The following DCDC2 variants were observed in gnomAD, a reference collection of about 807,000 sequenced individuals.
The protein encoded by DCDC2 is doublecortin domain-containing protein 2.
Under a neutral mutation model 50.2 loss-of-function variants are expected in DCDC2, and 40 were observed. The ratio of observed to expected loss-of-function variants is 0.80; its 90% CI spans 0.62 to 1.04. The LOEUF (loss-of-function observed/expected upper bound fraction) is 1.04, where lower values mean the gene tolerates loss of function less well. Among genes scored for constraint, DCDC2 ranks in the 50% least tolerant of loss-of-function variants. DCDC2 has a pLI of 0.00. For missense variants in DCDC2, 570 were observed against 581.9 expected (o/e 0.98, Z 0.21); for synonymous variants, 234 against 210.6 (o/e 1.11, Z -0.96).
chr6:24,196,529 T>C (rs793852), intron 8 of DCDC2, among the ~76,000 whole-genome samples: 33,927 of 152,148 alleles, frequency 0.22, 4,636 homozygotes, highest in African/African-American at 0.37. Context: ...CCAGCAGTTC[T>C]CATGCCTCAG....
intron 9 of DCDC2, 70 bp downstream of exon 9, chr6:24,178,260 T>C: frequency 6.8e-7 from 1 of 1,475,870 alleles, no homozygotes; most frequent in South Asian, 1.3e-5. Flanking sequence ...TGATTAATTC[T>C]CTGAATGCAC....
At chr6:24,289,657 A>C (rs2113829171) in intron 5 of DCDC2, among the ~76,000 whole-genome samples, 1 of 152,334 alleles carries the variant, frequency 6.6e-6, no homozygotes, top group African/African-American at 2.4e-5. Context: ...GTTAGCGATA[A>C]GTCAGCTGGT....
At chr6:24,265,573 A>T (rs9393541) in intron 7 of DCDC2, among the ~76,000 whole-genome samples, 80,177 of 152,114 alleles carry the variant, frequency 0.53, 25,469 homozygotes, top group East Asian at 0.78. Flanking sequence ...ATCTTCTCTG[A>T]CACAATGAAA....
At chr6:24,240,651 C>T (rs1426947594) in intron 7 of DCDC2, among the ~76,000 whole-genome samples, 1 of 152,156 alleles carries the variant, frequency 6.6e-6, no homozygotes, top group African/African-American at 2.4e-5. Context: ...TACAAAAGGG[C>T]TAATCAGTGC....
chr6:24,274,134 T>C (rs1383193396), intron 7 of DCDC2, among the ~76,000 whole-genome samples: 2 of 152,206 alleles, frequency 1.3e-5, no homozygotes, highest in African/African-American at 4.8e-5. Flanking sequence ...ATCAATACAA[T>C]GTAAGTCAAA....
chr6:24,337,438 A>T (rs1249317692), intron 2 of DCDC2, among the ~76,000 whole-genome samples: 4 of 152,158 alleles, frequency 2.6e-5, no homozygotes, highest in African/African-American at 9.7e-5. Context: ...AAAAATGTCA[A>T]TTGAGAATAC....
chr6:24,334,283 A>G (rs1011497506), intron 2 of DCDC2, among the ~76,000 whole-genome samples: 10 of 152,226 alleles, frequency 6.6e-5, no homozygotes, highest in African/African-American at 2.4e-4. Context: ...GCTGGACACA[A>G]TATGTTATCT....
At chr6:24,205,237 C>T (rs1761688065) in intron 7 of DCDC2, 135 bp from the exon 8 acceptor site, 2 of 1,589,856 alleles carry the variant, frequency 1.3e-6, no homozygotes, top group African/African-American at 2.7e-5. Context: ...TTTTGTGCAC[C>T]CCCTCCTCCG....
At chr6:24,347,660 CA>C (rs1196034861) in intron 2 of DCDC2, among the ~76,000 whole-genome samples, 1 of 152,058 alleles carries the variant, frequency 6.6e-6, no homozygotes, top group Non-Finnish European at 1.5e-5. Context: ...TTGGTGTCCT[CA>C]GGGGGTACTG....
At chr6:24,223,258 C>T (rs1172154211) in intron 7 of DCDC2, among the ~76,000 whole-genome samples, 5 of 152,188 alleles carry the variant, frequency 3.3e-5, no homozygotes, top group Non-Finnish European at 7.3e-5. Flanking sequence ...TTCTTAAGTA[C>T]ATTTTAAGCT....
chr6:24,253,918 C>T (rs916616851), intron 7 of DCDC2, among the ~76,000 whole-genome samples: 11 of 152,144 alleles, frequency 7.2e-5, no homozygotes, highest in African/African-American at 2.7e-4. Context: ...CTTACTGTAA[C>T]TTTATATTAA....
intron 2 of DCDC2, among the ~76,000 whole-genome samples, chr6:24,349,754 T>C (rs1446118795): frequency 3.3e-5 from 5 of 151,862 alleles, no homozygotes; most frequent in African/African-American, 1.2e-4. Context: ...ACAGGGAAAG[T>C]GGGAGGAAAA....
At chr6:24,338,972 A>G (rs1336222148) in intron 2 of DCDC2, among the ~76,000 whole-genome samples, 1 of 151,924 alleles carries the variant, frequency 6.6e-6, no homozygotes, top group Non-Finnish European at 1.5e-5. Flanking sequence ...GAAAAAGATA[A>G]ATTACTTTTT....
At chr6:24,244,268 T>C (rs2113793836) in intron 7 of DCDC2, among the ~76,000 whole-genome samples, 1 of 152,338 alleles carries the variant, frequency 6.6e-6, no homozygotes, top group African/African-American at 2.4e-5. Flanking sequence ...TTCTAACAGT[T>C]CAAATGAAAA....
chr6:24,201,522 T>C (rs1761587514), intron 8 of DCDC2, among the ~76,000 whole-genome samples: 2 of 152,180 alleles, frequency 1.3e-5, no homozygotes, highest in Admixed American at 6.5e-5. Flanking sequence ...GGGAAATTTG[T>C]AGCACTAAAT....
the DCDC2 span, among the ~76,000 whole-genome samples, chr6:24,376,055 C>A: frequency 7.4e-4 from 113 of 152,102 alleles, no homozygotes; most frequent in African/African-American, 2.1e-3. Context: ...AACAAAAAAA[C>A]CAGATCCTGA....
chr6:24,177,993 TCTTA>T (rs1274718805), intron 9 of DCDC2, among the ~76,000 whole-genome samples: 3 of 152,200 alleles, frequency 2.0e-5, no homozygotes, highest in Non-Finnish European at 4.4e-5. Flanking sequence ...CTTAACTTAT[TCTTA>T]CTTTTTTATA....
At chr6:24,359,289 T>TAA, upstream of DCDC2, among the ~76,000 whole-genome samples, 3 of 63,520 alleles carry the variant, frequency 4.7e-5, no homozygotes, top group Admixed American at 3.0e-4. Context: ...ATATTATATA[T>TAA]TTTATATTTT....
At chr6:24,329,246 C>T (rs1250464449) in intron 2 of DCDC2, among the ~76,000 whole-genome samples, 2 of 152,082 alleles carry the variant, frequency 1.3e-5, no homozygotes, top group South Asian at 2.1e-4. Flanking sequence ...GGTATGCACA[C>T]AAAAAAATAG....
Sources: gnomAD v4.1 joint callset for allele counts (sites outside exome capture counted in the v4.1 genomes callset) on GRCh38, gnomAD v4.1.1 for gene constraint, MANE v1.5 for transcripts, NCBI Gene and HGNC (gene_info 2026-07-23, HGNC 2026-07-21) for gene names.